The following CNTNAP2 variants were observed in gnomAD, a reference collection of about 807,000 sequenced individuals.
CNTNAP2 encodes contactin-associated protein-like 2.
Under a neutral mutation model 155.2 loss-of-function variants are expected in CNTNAP2, and 98 were observed. The ratio of observed to expected loss-of-function variants is 0.63; its 90% CI spans 0.54 to 0.75. The LOEUF (loss-of-function observed/expected upper bound fraction) is 0.75. Among genes scored for constraint, CNTNAP2 ranks in the 30% least tolerant of loss-of-function variants. The pLI, the probability that CNTNAP2 is intolerant of heterozygous loss-of-function variation, is 0.00. For synonymous variants in CNTNAP2, 651 were observed against 631.2 expected (o/e 1.03, Z -0.47); for missense variants, 1,727 against 1,688.1 (o/e 1.02, Z -0.40).
At chr7:147,459,278 ATCCTCTC>A (rs1563212281) in intron 10 of CNTNAP2, among the ~76,000 whole-genome samples, 1 of 152,250 alleles carries the variant, frequency 6.6e-6, no homozygotes, top group South Asian at 2.1e-4. Flanking sequence ...CATTTCTTTT[ATCCTCTC>A]TCCACATTCT....
intron 4 of CNTNAP2, among the ~76,000 whole-genome samples, chr7:147,093,005 G>A (rs886229599): frequency 6.6e-5 from 10 of 151,800 alleles, no homozygotes; most frequent in African/African-American, 2.2e-4. Flanking sequence ...GGCGGATCAC[G>A]ACGTCAGGAG....
chr7:147,889,631 C>G (rs999625520), intron 13 of CNTNAP2, among the ~76,000 whole-genome samples: 1 of 152,112 alleles, frequency 6.6e-6, no homozygotes, highest in Non-Finnish European at 1.5e-5. Context: ...ATTGATGTCT[C>G]AGTAATTATA....
At chr7:147,811,955 A>G (rs1257295276) in intron 13 of CNTNAP2, among the ~76,000 whole-genome samples, 2 of 152,226 alleles carry the variant, frequency 1.3e-5, no homozygotes, top group Non-Finnish European at 2.9e-5. Flanking sequence ...TTAAGTAGGT[A>G]CTATGTCAGT....
intron 15 of CNTNAP2, among the ~76,000 whole-genome samples, chr7:148,022,288 T>G (rs1236975251): frequency 6.6e-6 from 1 of 151,644 alleles, no homozygotes; most frequent in East Asian, 1.9e-4. Flanking sequence ...GGAAACGCGG[T>G]GAAACTCCGT....
At chr7:147,480,361 G>A (rs561630342) in intron 10 of CNTNAP2, among the ~76,000 whole-genome samples, 2 of 152,252 alleles carry the variant, frequency 1.3e-5, no homozygotes, top group African/African-American at 4.8e-5. Flanking sequence ...TTAATGTCCA[G>A]GTGTAAAGTT....
chr7:146,930,870 C>G (rs1254805472), intron 3 of CNTNAP2, among the ~76,000 whole-genome samples: 1 of 152,146 alleles, frequency 6.6e-6, no homozygotes, highest in Non-Finnish European at 1.5e-5. Flanking sequence ...GGGATTAATT[C>G]AACAAGAAGA....
chr7:147,502,639 C>T (rs1798836091), intron 11 of CNTNAP2, among the ~76,000 whole-genome samples: 1 of 151,750 alleles, frequency 6.6e-6, no homozygotes, highest in African/African-American at 2.4e-5. Context: ...AAGAGTAGAT[C>T]TGAAGTGTTC....
chr7:148,215,867 A>C (rs1007393022), intron 18 of CNTNAP2, among the ~76,000 whole-genome samples: 4 of 152,226 alleles, frequency 2.6e-5, no homozygotes, highest in Non-Finnish European at 5.9e-5. Flanking sequence ...CGACCTCTTT[A>C]ACAAGAACAA....
intron 1 of CNTNAP2, among the ~76,000 whole-genome samples, chr7:146,605,469 T>C (rs1799031420): frequency 6.9e-6 from 1 of 144,324 alleles, no homozygotes; most frequent in African/African-American, 2.5e-5. Context: ...AGTATAGTCA[T>C]GTTATGCAGA....
At chr7:146,649,906 GA>G (rs1475596767) in intron 1 of CNTNAP2, among the ~76,000 whole-genome samples, 1 of 151,762 alleles carries the variant, frequency 6.6e-6, no homozygotes, top group Non-Finnish European at 1.5e-5. Context: ...ATAAACATAT[GA>G]AAAAAAAGTC....
At chr7:146,223,204 G>A (rs1206648079) in intron 1 of CNTNAP2, among the ~76,000 whole-genome samples, 3 of 152,162 alleles carry the variant, frequency 2.0e-5, no homozygotes, top group Non-Finnish European at 4.4e-5. Context: ...AGCAGCAGAG[G>A]CAAGAGTTGA....
chr7:146,635,659 A>G (rs1379322828), intron 1 of CNTNAP2, among the ~76,000 whole-genome samples: 1 of 152,068 alleles, frequency 6.6e-6, no homozygotes, highest in Admixed American at 6.6e-5. Context: ...TGTCTGTTCC[A>G]CTCACAGCAA....
chr7:146,395,802 TA>T lies in CNTNAP2; in HGVS notation c.97+278830del, dbSNP rs1416161303. On this transcript the variant is annotated intron_variant, in intron 1 of 23. Coordinates refer to ENST00000361727, the MANE Select transcript of CNTNAP2 (RefSeq NM_014141.6). ...GATGATAGATAGATAGATAGATAGATAGATAGATAGATAGATAGATAGAGGA... is the reference window on the plus strand; with the variant it reads ...GATGATAGATAGATAGATAGATAGATGATAGATAGATAGATAGATAGAGGA... 2.3e-4 allele frequency among the ~76,000 whole-genome samples: 32 copies of T among 138,418 alleles called. 1 individual carries two copies. The highest frequency in any genetic ancestry group is 1.0e-3 in the African/African-American group (32 of 32,064). 90.8% of individuals were successfully genotyped at this position (138,418 alleles called of 152,430 possible).
At chr7:147,698,034 T>A (rs1796187544) in intron 13 of CNTNAP2, among the ~76,000 whole-genome samples, 1 of 152,144 alleles carries the variant, frequency 6.6e-6, no homozygotes, top group Admixed American at 6.6e-5. Context: ...CCTACCCTGG[T>A]ACTGGCTCAT....
chr7:146,319,994 C>T (rs1161383425), intron 1 of CNTNAP2, among the ~76,000 whole-genome samples: 1 of 147,192 alleles, frequency 6.8e-6, no homozygotes, highest in African/African-American at 2.7e-5. Flanking sequence ...ATGTAACTGT[C>T]GCCCCCCCCA....
At position 146,178,458 on chromosome 7, in the gene CNTNAP2, C is replaced by G. The variant is rs116400964; in HGVS notation, c.97+61485C>G. ...ACATGCTACAAAGAGTAAATTATGT[C>G]ATAGTTTGCTATTTTCTCATTTAGA... On this transcript the variant is annotated intron_variant, in intron 1 of 23. Transcript: ENST00000361727. Among the ~76,000 whole-genome samples the G allele has an allele frequency of 5.3e-3, 799 of 152,158 alleles. 6 individuals are homozygous for G. The highest frequency in any genetic ancestry group is 0.018 in the African/African-American group (756 of 41,500).
chr7:146,854,615 T>C (rs577500144), intron 3 of CNTNAP2, among the ~76,000 whole-genome samples: 2 of 152,302 alleles, frequency 1.3e-5, no homozygotes, highest in South Asian at 4.1e-4. Flanking sequence ...TGTTACTCTT[T>C]ATGTAAATTC....
At chr7:147,116,650 A>T (rs1011129779) in intron 5 of CNTNAP2, among the ~76,000 whole-genome samples, 1 of 152,182 alleles carries the variant, frequency 6.6e-6, no homozygotes, top group Non-Finnish European at 1.5e-5. Context: ...GGACTCTCCA[A>T]AGCCCACAGG....
At chr7:148,340,605 C>T (rs1383318534) in intron 21 of CNTNAP2, among the ~76,000 whole-genome samples, 3 of 152,208 alleles carry the variant, frequency 2.0e-5, no homozygotes, top group Non-Finnish European at 4.4e-5. Flanking sequence ...TTTTTCTTTG[C>T]ATAATACCTA....
Sources: allele counts gnomAD v4.1 joint callset (sites outside exome capture counted in the v4.1 genomes callset), GRCh38; gene constraint gnomAD v4.1.1; transcripts MANE v1.5; gene names NCBI Gene and HGNC (gene_info 2026-07-23, HGNC 2026-07-21).